The following MYO5A variants were observed in gnomAD, a reference collection of about 807,000 sequenced individuals.
MYO5A encodes the protein unconventional myosin-Va.
Under a neutral mutation model 249.7 loss-of-function variants are expected in MYO5A, and 98 were observed. The ratio of observed to expected loss-of-function variants is 0.39; its 90% confidence interval spans 0.33 to 0.46. The LOEUF is 0.46. MYO5A is among the 20% of genes least tolerant of loss of function. MYO5A has a pLI of 0.98. For synonymous variants in MYO5A, 778 were observed against 810.6 expected, an observed-to-expected ratio of 0.96 and a Z score of 0.68; for missense variants, 1,696 against 2,308.8, an observed-to-expected ratio of 0.73 and a Z score of 5.44.
At chr15:52,528,898 G>T (rs2077774804), upstream of MYO5A, 1 of 1,250,326 alleles carries the variant, frequency 8.0e-7, no homozygotes, top group Non-Finnish European at 1.0e-6. Context: ...GCCCGCAGCC[G>T]CCGGCAGGGA....
intron 1 of MYO5A, among the ~76,000 whole-genome samples, chr15:52,451,398 ACT>A (rs1186389823): frequency 6.6e-6 from 1 of 152,038 alleles, no homozygotes; most frequent in East Asian, 1.9e-4. Context: ...TCCTCCCCCA[ACT>A]CTCTATTCAG....
At chr15:52,518,212 G>A (rs896683188) in intron 1 of MYO5A, among the ~76,000 whole-genome samples, 4 of 139,080 alleles carry the variant, frequency 2.9e-5, no homozygotes, top group African/African-American at 1.1e-4. Flanking sequence ...ATAGATAAAG[G>A]TCAGAGATTT....
intron 14 of MYO5A, among the ~76,000 whole-genome samples, chr15:52,386,655 C>T (rs2041987230): frequency 6.6e-6 from 1 of 151,972 alleles, no homozygotes; most frequent in Admixed American, 6.6e-5. Context: ...TCAAGTGATC[C>T]TCCCACTCAG....
intron 14 of MYO5A, among the ~76,000 whole-genome samples, chr15:52,386,574 G>T (rs1262447959): frequency 6.6e-6 from 1 of 150,696 alleles, no homozygotes; most frequent in Non-Finnish European, 1.5e-5. Context: ...TTTGGAGACA[G>T]AGTCTCGCTG....
intron 1 of MYO5A, among the ~76,000 whole-genome samples, chr15:52,462,861 A>AG (rs61674058): frequency 1.3e-5 from 2 of 151,442 alleles, no homozygotes; most frequent in African/African-American, 2.4e-5. Flanking sequence ...AAAAAAAAAA[A>AG]GGTTATGAAA....
intron 1 of MYO5A, among the ~76,000 whole-genome samples, chr15:52,467,332 C>A (rs1212079475): frequency 4.0e-5 from 6 of 151,874 alleles, no homozygotes; most frequent in African/African-American, 9.7e-5. Context: ...AGACAGATTT[C>A]AAAAACAAAC....
chr15:52,337,097 G>C (rs1209457634), intron 33 of MYO5A, among the ~76,000 whole-genome samples: 1 of 152,116 alleles, frequency 6.6e-6, no homozygotes, highest in Non-Finnish European at 1.5e-5. Flanking sequence ...TAATCACAAA[G>C]AACAGGATAA....
In MYO5A at chr15:52,376,382, G is replaced by A. The variant is rs369198676; in HGVS notation, c.2385C>T (p.Thr795=). ...KYLRMRKAAI[T]MQRYVRGYQA... Reference sequence around the variant, plus strand: ...GGTAGCCCCGCACGTATCTCTGCATGGTGATGGCTGCCTTCCGCATGCGTA... The same window carrying A: ...GGTAGCCCCGCACGTATCTCTGCATAGTGATGGCTGCCTTCCGCATGCGTA... The change falls in exon 19 of 42, where the codon ACC becomes ACT. Residue 795 remains threonine (T), a synonymous_variant. Coordinates refer to ENST00000399233, the MANE Select transcript of MYO5A (RefSeq NM_001382347.1). The A allele has an allele frequency of 3.1e-4, 500 of 1,614,124 alleles. 2 individuals carry two copies. The African/African-American group carries it at 6.1e-3, about 20-fold the overall frequency.
At chr15:52,329,227 C>T (rs1370212033) in intron 35 of MYO5A, 1 of 152,218 alleles carries the variant, frequency 6.6e-6, no homozygotes, top group African/African-American at 2.4e-5. Context: ...AAACCAGTGG[C>T]TCCTTAACAT....
At chr15:52,330,593 C>G in intron 34 of MYO5A, 94 bp from the exon 35 acceptor site, 1 of 1,441,426 alleles carries the variant, frequency 6.9e-7, no homozygotes, top group Non-Finnish European at 9.6e-7. Flanking sequence ...CATTCTACAA[C>G]AACCGAAACT....
intron 15 of MYO5A, among the ~76,000 whole-genome samples, chr15:52,383,412 G>A (rs939588198): frequency 1.3e-5 from 2 of 152,168 alleles, no homozygotes; most frequent in Non-Finnish European, 2.9e-5. Flanking sequence ...GCTAAATATA[G>A]ATTCCTATAC....
rs1031257701 is a variant in MYO5A, at chr15:52,391,555, T to C, written c.1542+375A>G. On this transcript the variant is annotated intron_variant, in intron 12 of 41. Transcript: ENST00000399233. ...ATGTCAGTAATAAGGAACAACTAGT[T>C]AGTTTTACAATTATAACTATTTAGA... Among the ~76,000 whole-genome samples the C allele has an allele frequency of 2.6e-5, 4 of 152,362 alleles. No homozygotes were observed. The East Asian group carries it at 7.7e-4, about 29-fold the overall frequency.
chr15:52,527,179 C>T (rs1269624994), intron 1 of MYO5A, among the ~76,000 whole-genome samples: 7 of 152,122 alleles, frequency 4.6e-5, no homozygotes, highest in Non-Finnish European at 7.4e-5. Flanking sequence ...CACAAAGTAA[C>T]CAAGGAATGT....
At chr15:52,460,811 T>TA (rs1297468817) in intron 1 of MYO5A, among the ~76,000 whole-genome samples, 1 of 151,074 alleles carries the variant, frequency 6.6e-6, no homozygotes, top group Admixed American at 6.6e-5. Flanking sequence ...GGACCAACAA[T>TA]AAAAAAAATC....
chr15:52,456,353 A>G (rs1312666876), intron 1 of MYO5A, among the ~76,000 whole-genome samples: 1 of 152,202 alleles, frequency 6.6e-6, no homozygotes, highest in African/African-American at 2.4e-5. Context: ...ATGCTTGTGG[A>G]TGAAAAGACT....
At chr15:52,388,760 C>A (rs2042079207) in intron 13 of MYO5A, among the ~76,000 whole-genome samples, 1 of 152,068 alleles carries the variant, frequency 6.6e-6, no homozygotes, top group Admixed American at 6.5e-5. Context: ...TATTCTGAAA[C>A]CCTTGAGATC....
At chr15:52,392,440 T>C (rs79497747) in intron 11 of MYO5A, among the ~76,000 whole-genome samples, 2,201 of 152,340 alleles carry the variant, frequency 0.014, 47 homozygotes, top group African/African-American at 0.05. Flanking sequence ...TTAACAACTA[T>C]GTTGATGCCC....
In MYO5A at chr15:52,528,879, C is replaced by T; in HGVS notation, c.-73G>A. On this transcript the variant is annotated 5_prime_UTR_variant, in exon 1 of 42. Transcript: ENST00000399233. ...TCGCCTGGGCGGCCGCCCGAGCGGACTAGGAAGCGCCCGCAGCCGCCGGCA... is the reference window on the plus strand; with the variant it reads ...TCGCCTGGGCGGCCGCCCGAGCGGATTAGGAAGCGCCCGCAGCCGCCGGCA... 3 of 1,345,066 alleles carry T rather than the reference C, an allele frequency of 2.2e-6. No homozygotes were observed. In the South Asian group the frequency reaches 5.2e-5, roughly 23 times the overall value. The allele number at this position is 1,345,066 out of a possible 1,614,324, so 83.3% of individuals were successfully genotyped here.
At chr15:52,450,665 CAAAA>C (rs543453662) in intron 1 of MYO5A, among the ~76,000 whole-genome samples, 1 of 96,966 alleles carries the variant, frequency 1.0e-5, no homozygotes, top group African/African-American at 3.9e-5. Flanking sequence ...GAACTTGTCT[CAAAA>C]AAAAAAAAAA....
Sources: gnomAD v4.1 joint callset for allele counts (sites outside exome capture counted in the v4.1 genomes callset) on GRCh38, gnomAD v4.1.1 for gene constraint, MANE v1.5 for transcripts, NCBI Gene and HGNC (gene_info 2026-07-23, HGNC 2026-07-21) for gene names.